FBXW8: variants seen among roughly 807,000 people sequenced by gnomAD.
The protein encoded by FBXW8 is F-box and WD repeat domain containing 8, also known as F-box/WD repeat-containing protein 8.
In FBXW8, 57 loss-of-function variants were observed where a neutral mutation model predicts 65.3. The ratio of observed to expected loss-of-function variants is 0.87; its 90% CI spans 0.71 to 1.09. The LOEUF is 1.09. FBXW8 is among the 50% of genes least tolerant of loss of function. FBXW8 has a pLI of 0.00. For synonymous variants in FBXW8, 308 were observed against 330.2 expected, an observed-to-expected ratio of 0.93 and a Z score of 0.73; for missense variants, 777 against 814.8, an observed-to-expected ratio of 0.95 and a Z score of 0.57.
At chr12:117,024,082 G>A in intron 8 of FBXW8, 65 bp from the exon 9 acceptor site, 2 of 1,557,706 alleles carry the variant, frequency 1.3e-6, no homozygotes, top group Non-Finnish European at 1.7e-6. Context: ...TGGAGGGGGA[G>A]TTTGTCATTT....
intron 7 of FBXW8, among the ~76,000 whole-genome samples, chr12:117,002,201 A>G (rs559134714): frequency 2.6e-4 from 39 of 152,254 alleles, no homozygotes; most frequent in Non-Finnish European, 4.8e-4. Context: ...GTCCTGGAAC[A>G]GCGGGGGTTG....
chr12:116,917,848 C>T (rs928739577), intron 1 of FBXW8, among the ~76,000 whole-genome samples: 8 of 151,978 alleles, frequency 5.3e-5, no homozygotes, highest in East Asian at 1.9e-4. Flanking sequence ...AATAATTAGC[C>T]GGGTGTGGTG....
Position 116,911,304 on chromosome 12 carries a change from C to A in FBXW8, c.267C>A (p.Arg89=). The change falls in exon 1 of 11, where the codon CGC becomes CGA. Residue 89 remains arginine (R), a synonymous_variant. Coordinates refer to ENST00000652555, the MANE Select transcript of FBXW8 (RefSeq NM_153348.3). Reference sequence around the variant, plus strand: ...GCCGCTCACGTTCTCCTCTGGCCCGCGAGGGCGCCGGGGGCGGGGAGCAGC... The same window carrying A: ...GCCGCTCACGTTCTCCTCTGGCCCGAGAGGGCGCCGGGGGCGGGGAGCAGC... ...VASRSRSPLA[R]EGAGGGEQLV... is the part of the protein sequence containing the mutation. 7.8e-7 allele frequency: 1 copy of A among 1,276,938 alleles called. No homozygotes were observed. The highest frequency in any genetic ancestry group is 9.9e-7 in the Non-Finnish European group (1 of 1,014,884). The allele number at this position is 1,276,938 out of a possible 1,614,324, so 79.1% of individuals were successfully genotyped here. A position where few individuals can be genotyped will look rare whatever the true frequency, so the allele number is the denominator to read the frequency against.
chr12:116,976,450 C>CT (rs35364851), intron 5 of FBXW8, among the ~76,000 whole-genome samples: 4,622 of 64,662 alleles, frequency 0.071, 576 homozygotes, highest in African/African-American at 0.22. Context: ...CCAAAGGATC[C>CT]TTTTTTTTTT....
intron 7 of FBXW8, among the ~76,000 whole-genome samples, chr12:116,997,207 A>G (rs1953398133): frequency 6.6e-6 from 1 of 152,186 alleles, no homozygotes; most frequent in South Asian, 2.1e-4. Context: ...TCTGGCTTAG[A>G]TGCTTTTGAG....
rs186069500 is a variant in FBXW8, at chr12:116,936,333, C to T, written c.423+8206C>T. ...AAGGTCCAAGTGGGTGGTTGTCGTACGCTGAATAATGGCCCTCCCAAATAT... is the reference window on the plus strand; with the variant it reads ...AAGGTCCAAGTGGGTGGTTGTCGTATGCTGAATAATGGCCCTCCCAAATAT... On this transcript the variant is annotated intron_variant, in intron 2 of 10. Transcript: ENST00000652555. The surrounding 1 kb of genome is among the most constrained non-coding windows in gnomAD (Gnocchi z 4.6). Among the ~76,000 whole-genome samples the T allele has an allele frequency of 3.7e-4, 57 of 152,326 alleles. No homozygotes were observed. Among genetic ancestry groups the T allele is most frequent in the Admixed American group, 3.6e-3 (55 of 15,300 alleles).
chr12:116,942,272 C>T (rs1269231338), intron 2 of FBXW8, among the ~76,000 whole-genome samples: 3 of 151,706 alleles, frequency 2.0e-5, no homozygotes, highest in Non-Finnish European at 2.9e-5. Context: ...CCTCCTGCCT[C>T]GGCCTCCAAA....
rs758410537 is a variant in FBXW8 at position 117,028,185 on chromosome 12, G to A, written c.*13G>A. On this transcript the variant is annotated 3_prime_UTR_variant, in exon 11 of 11. Transcript: ENST00000652555. The surrounding 1 kb of genome is among the most constrained non-coding windows in gnomAD (Gnocchi z 4.1). ...TAACCATGTTTAGGGATGTGCCTCA[G>A]TTGGGAGCAAGGAGAAAAATGGGAA... 4.3e-5 allele frequency: 70 copies of A among 1,612,330 alleles called. No homozygotes were observed. The highest frequency in any genetic ancestry group is 5.8e-5 in the Non-Finnish European group (68 of 1,178,800).
rs574389143 is a variant in FBXW8 at position 117,026,645 on chromosome 12, C to T, written c.1542-749C>T. The stretch of plus-strand genomic sequence containing the variant: ...ACCTCCTGCTCCTCCCAGCACTTAA[C>T]TCTGGGTCACACATTCTTTGTAGCT... On this transcript the variant is annotated intron_variant, in intron 9 of 10. Coordinates refer to ENST00000652555, the MANE Select transcript of FBXW8 (RefSeq NM_153348.3). Among the ~76,000 whole-genome samples the T allele has an allele frequency of 2.1e-3, 327 of 152,134 alleles. 1 individual carries two copies. The highest frequency in any genetic ancestry group is 7.7e-3 in the African/African-American group (320 of 41,400).
chr12:116,945,378 G>A lies in FBXW8; in HGVS notation c.438G>A (p.Trp146Ter), dbSNP rs1157060207. Residue 146 changes from tryptophan to a stop codon, truncating the protein, a stop_gained, in exon 3 of 11, where the codon TGG (tryptophan) becomes TGA (stop). Transcript: ENST00000652555. LOFTEE classifies it high-confidence loss of function. ...TGCTGTTTTAGGTGAGCAAGACGTG[G>A]AAGGTGATTGCAGAGGATGAGGTGC... is the stretch of plus-strand genomic sequence containing the variant. Reference protein sequence around the residue: ...LGRCAQVSKTWKVIAEDEVLW... With the variant: ...LGRCAQVSKT The A allele has an allele frequency of 5.0e-6, 8 of 1,612,584 alleles. No individual in the cohort carries two copies. Among genetic ancestry groups the A allele is most frequent in the African/African-American group, 1.3e-5 (1 of 74,910 alleles).
intron 5 of FBXW8, among the ~76,000 whole-genome samples, chr12:116,968,156 G>T (rs974800074): frequency 1.3e-5 from 2 of 152,126 alleles, no homozygotes; most frequent in African/African-American, 4.8e-5. Flanking sequence ...AGTGAGTGGG[G>T]TTATTTTGTA....
chr12:116,985,201 C>T lies in FBXW8; in HGVS notation c.836-5C>T. 3 of 1,592,932 alleles carry T rather than the reference C, an allele frequency of 1.9e-6. No homozygotes were observed. Among genetic ancestry groups the T allele is most frequent in the East Asian group, 2.2e-5 (1 of 44,594 alleles). On this transcript the variant is annotated splice_polypyrimidine_tract_variant and splice_region_variant and intron_variant, in intron 5 of 10. Coordinates refer to ENST00000652555, the MANE Select transcript of FBXW8 (RefSeq NM_153348.3). ...TTGTTACCTGCATTGTTTCTTGCTG[C>T]ATAGGGTTTCTTAATATTTGGGATT...
intron 4 of FBXW8, among the ~76,000 whole-genome samples, chr12:116,959,285 A>T (rs998810306): frequency 2.6e-5 from 4 of 152,222 alleles, no homozygotes; most frequent in African/African-American, 7.2e-5. Flanking sequence ...ATTGAAAACA[A>T]TAAATTCCTT....
At chr12:116,921,643 T>C (rs1397620531) in intron 1 of FBXW8, among the ~76,000 whole-genome samples, 1 of 152,166 alleles carries the variant, frequency 6.6e-6, no homozygotes, top group East Asian at 1.9e-4. Flanking sequence ...TGAATTTAGA[T>C]AGTATTTTGA....
chr12:116,966,697 A>G (rs1003304570), intron 5 of FBXW8, among the ~76,000 whole-genome samples: 2 of 152,086 alleles, frequency 1.3e-5, no homozygotes, highest in Non-Finnish European at 2.9e-5. Context: ...GTTGGGAAAC[A>G]ATGTAGGCAT....
chr12:116,992,646 T>G (rs1352699399), intron 7 of FBXW8, among the ~76,000 whole-genome samples: 1 of 152,118 alleles, frequency 6.6e-6, no homozygotes, highest in African/African-American at 2.4e-5. Context: ...AGTGAGAACA[T>G]GCTGTATTTA....
At chr12:116,995,266 C>T (rs1453630275) in intron 7 of FBXW8, among the ~76,000 whole-genome samples, 1 of 152,162 alleles carries the variant, frequency 6.6e-6, no homozygotes, top group Non-Finnish European at 1.5e-5. Flanking sequence ...AGGAAGAGCC[C>T]ACAATTCTTT....
At chr12:116,997,486 A>C (rs1953403520) in intron 7 of FBXW8, among the ~76,000 whole-genome samples, 1 of 152,156 alleles carries the variant, frequency 6.6e-6, no homozygotes, top group African/African-American at 2.4e-5. Context: ...CCCCATGTGG[A>C]TACTGGAGCT....
At chr12:116,930,195 C>G (rs941217400) in intron 2 of FBXW8, among the ~76,000 whole-genome samples, 1 of 152,170 alleles carries the variant, frequency 6.6e-6, no homozygotes, top group African/African-American at 2.4e-5. Flanking sequence ...ACCCAGCAAC[C>G]AGAATTGCTG....
Sources: gnomAD v4.1 joint callset for allele counts (sites outside exome capture counted in the v4.1 genomes callset) on GRCh38, gnomAD v4.1.1 for gene constraint, Gnocchi (gnomAD v3.1) non-coding constraint, MANE v1.5 for transcripts, NCBI Gene and HGNC (gene_info 2026-07-23, HGNC 2026-07-21) for gene names.